ASCC3: variants seen among roughly 807,000 people sequenced by gnomAD.
ASCC3 encodes activating signal cointegrator 1 complex subunit 3.
ASCC3 carries 158 observed loss-of-function variants against 256.3 expected under a neutral mutation model. That is an observed-to-expected ratio of 0.62 (90% CI 0.54 to 0.70). The LOEUF (loss-of-function observed/expected upper bound fraction) is 0.70. Among genes scored for constraint, ASCC3 ranks in the 30% least tolerant of loss-of-function variants. The pLI, the probability that ASCC3 is intolerant of heterozygous loss-of-function variation, is 0.00. For missense variants in ASCC3, 2,259 were observed against 2,626.0 expected (o/e 0.86, Z 3.05); for synonymous variants, 948 against 883.4 (o/e 1.07, Z -1.30).
At chr6:100,514,876 T>C (rs560507687) in intron 39 of ASCC3, among the ~76,000 whole-genome samples, 2 of 152,310 alleles carry the variant, frequency 1.3e-5, no homozygotes, top group South Asian at 2.1e-4. Context: ...AGCACTTAAA[T>C]TGATGCTTTA....
intron 34 of ASCC3, among the ~76,000 whole-genome samples, chr6:100,600,341 T>A (rs942400791): frequency 2.0e-5 from 3 of 152,082 alleles, no homozygotes; most frequent in Non-Finnish European, 2.9e-5. Flanking sequence ...CCAGCTTCCA[T>A]ATATTCAATA....
intron 10 of ASCC3, among the ~76,000 whole-genome samples, chr6:100,749,160 CAG>C (rs1349983544): frequency 1.3e-5 from 2 of 151,998 alleles, no homozygotes; most frequent in East Asian, 1.9e-4. Context: ...CCCCGTCAAA[CAG>C]TGTTCAATTT....
chr6:100,852,677 A>C (rs1037823370), intron 3 of ASCC3, among the ~76,000 whole-genome samples: 3 of 152,204 alleles, frequency 2.0e-5, no homozygotes, highest in Non-Finnish European at 4.4e-5. Flanking sequence ...TTGATACACT[A>C]ATCAACTGAC....
intron 1 of ASCC3, among the ~76,000 whole-genome samples, chr6:100,873,559 C>T (rs1403803732): frequency 6.6e-6 from 1 of 152,066 alleles, no homozygotes; most frequent in Non-Finnish European, 1.5e-5. Context: ...AAGATCATCG[C>T]CTAGGCACAC....
At chr6:100,703,065 G>A (rs900465723) in intron 13 of ASCC3, among the ~76,000 whole-genome samples, 1 of 151,852 alleles carries the variant, frequency 6.6e-6, no homozygotes, top group African/African-American at 2.4e-5. Context: ...ATGCCATCTG[G>A]ATTTTTTTTT....
intron 10 of ASCC3, among the ~76,000 whole-genome samples, chr6:100,732,901 T>C (rs1475449504): frequency 2.0e-5 from 3 of 152,192 alleles, no homozygotes; most frequent in Admixed American, 6.5e-5. Flanking sequence ...TTTCTGTTAT[T>C]TCCCCCTCCA....
intron 37 of ASCC3, among the ~76,000 whole-genome samples, chr6:100,535,883 T>A (rs1377396352): frequency 6.6e-6 from 1 of 152,190 alleles, no homozygotes; most frequent in African/African-American, 2.4e-5. Context: ...CGAGGAAAAC[T>A]GCATACCCAA....
chr6:100,693,873 A>G (rs998338798), intron 13 of ASCC3, among the ~76,000 whole-genome samples: 1 of 152,176 alleles, frequency 6.6e-6, no homozygotes. Flanking sequence ...AAAAATAAAT[A>G]AATAAACAAA....
chr6:100,637,151 T>G (rs1774883291), intron 25 of ASCC3, among the ~76,000 whole-genome samples: 1 of 152,144 alleles, frequency 6.6e-6, no homozygotes, highest in African/African-American at 2.4e-5. Context: ...GAGCTAACTT[T>G]CTTGTTAGGG....
At chr6:100,751,755 C>A (rs1373153435) in intron 10 of ASCC3, among the ~76,000 whole-genome samples, 1 of 139,904 alleles carries the variant, frequency 7.1e-6, no homozygotes, top group Non-Finnish European at 1.5e-5. Flanking sequence ...TCACACACTA[C>A]CACGGAAAGC....
intron 26 of ASCC3, 123 bp from the exon 27 acceptor site, chr6:100,629,304 G>T: frequency 1.1e-6 from 1 of 890,812 alleles, no homozygotes; most frequent in Non-Finnish European, 1.7e-6. Context: ...ATCTACCTTT[G>T]ATTTTTGAAA....
rs78008733 is a variant in ASCC3 at position 100,566,628 on chromosome 6, T to C, written c.5550+23006A>G. On this transcript the variant is annotated intron_variant, in intron 36 of 41. Coordinates refer to ENST00000369162, the MANE Select transcript of ASCC3 (RefSeq NM_006828.4). ...ACAATGGATAAATTGTCTCTACTTGTACCTAAGGCCAATTATTCCATTTAT... is the reference window on the plus strand; with the variant it reads ...ACAATGGATAAATTGTCTCTACTTGCACCTAAGGCCAATTATTCCATTTAT... 0.012 allele frequency among the ~76,000 whole-genome samples: 1,847 copies of C among 152,346 alleles called. 85 individuals are homozygous for C. In the East Asian group the frequency reaches 0.15, roughly 12 times the overall value.
rs758845057 is a variant in ASCC3 at position 100,848,484 on chromosome 6, T to C, written c.465A>G (p.Lys155=). The C allele has an allele frequency of 1.4e-5, 23 of 1,613,130 alleles. No individual in the cohort carries two copies. The highest frequency in any genetic ancestry group is 1.9e-5 in the Non-Finnish European group (23 of 1,179,488). Residue 155 remains lysine, a synonymous_variant, in exon 4 of 42, where the codon AAA becomes AAG. Transcript: ENST00000369162. The part of the protein sequence containing the change: ...DLTALVQMTE[K]EHGDRVFFGK... The stretch of plus-strand genomic sequence containing the variant: ...CAAAAAAAACCCTATCGCCATGTTC[T>C]TTTTCTGTCATCTGCACAAGAGCAG...
chr6:100,546,596 T>C (rs951971727), intron 36 of ASCC3, among the ~76,000 whole-genome samples: 3 of 152,142 alleles, frequency 2.0e-5, no homozygotes, highest in African/African-American at 7.2e-5. Context: ...TACTGTATGA[T>C]AGAAATGCAA....
At chr6:100,566,561 G>GATATC (rs1296643407) in intron 36 of ASCC3, among the ~76,000 whole-genome samples, 2 of 152,094 alleles carry the variant, frequency 1.3e-5, no homozygotes, top group Admixed American at 6.6e-5. Flanking sequence ...CTATCCAACA[G>GATATC]CAACCTCCTT....
intron 13 of ASCC3, among the ~76,000 whole-genome samples, chr6:100,680,639 C>G (rs1471088294): frequency 2.0e-5 from 3 of 152,186 alleles, no homozygotes; most frequent in African/African-American, 4.8e-5. Context: ...AATATACAAT[C>G]TAAAGATAGT....
At chr6:100,577,136 C>G (rs888259345) in intron 36 of ASCC3, among the ~76,000 whole-genome samples, 24 of 151,808 alleles carry the variant, frequency 1.6e-4, no homozygotes, top group African/African-American at 5.8e-4. Context: ...AATCCTGATC[C>G]CTACGTTGTA....
chr6:100,713,121 C>T (rs1203702910), intron 13 of ASCC3, among the ~76,000 whole-genome samples: 1 of 152,082 alleles, frequency 6.6e-6, no homozygotes, highest in Non-Finnish European at 1.5e-5. Context: ...AAAACCTGCA[C>T]ATGGATTTTA....
chr6:100,631,163 A>G lies in ASCC3; in HGVS notation c.4173T>C (p.Asp1391=), dbSNP rs199539055. 1.3e-4 allele frequency: 205 copies of G among 1,612,578 alleles called. 1 individual carries two copies. The East Asian group carries it at 2.6e-3, about 20-fold the overall frequency. The part of the protein sequence containing the change: ...LKALVRERMD[D]WKVRIEEKLG... ...GTTTTTCTTCTATTCTAACTTTCCA[A>G]TCATCCATTCTTTCACGTACTAGGG... The change falls in exon 26 of 42, where the codon GAT becomes GAC. Residue 1391 remains aspartate, a synonymous_variant. Transcript: ENST00000369162.
Sources: allele counts gnomAD v4.1 joint callset (sites outside exome capture counted in the v4.1 genomes callset), GRCh38; gene constraint gnomAD v4.1.1; transcripts MANE v1.5; gene names NCBI Gene and HGNC (gene_info 2026-07-23, HGNC 2026-07-21).